EZR: variants seen among roughly 807,000 people sequenced by gnomAD.
EZR encodes the protein cytovillin 2.
A neutral mutation model predicts 74.8 loss-of-function variants in EZR; 40 were observed. The observed-to-expected ratio is 0.53, with a 90% CI of 0.42 to 0.70. The LOEUF (loss-of-function observed/expected upper bound fraction) is 0.70. EZR is among the 30% of genes least tolerant of loss of function. The pLI, the probability that EZR is intolerant of heterozygous loss-of-function variation, is 0.00. For missense variants in EZR, 678 were observed against 755.8 expected (o/e 0.90, Z 1.21); for synonymous variants, 341 against 283.3 (o/e 1.20, Z -2.05).
At chr6:158,818,244 C>T (rs1355259213) in intron 1 of EZR, 78 bp from the exon 2 acceptor site, 3 of 739,626 alleles carry the variant, frequency 4.1e-6, no homozygotes, top group African/African-American at 3.6e-5. Context: ...TCGGCGCCCG[C>T]AGCGCGCTGC....
chr6:158,818,809 C>A (rs1350898614), intron 1 of EZR, among the ~76,000 whole-genome samples: 1 of 142,954 alleles, frequency 7.0e-6, no homozygotes, highest in Non-Finnish European at 1.5e-5. Context: ...CCGCGGGGCA[C>A]CCGACAGGGA....
chr6:158,772,068 C>T (rs73020297), intron 8 of EZR, among the ~76,000 whole-genome samples: 18,731 of 152,178 alleles, frequency 0.12, 1,266 homozygotes, highest in Non-Finnish European at 0.13. Context: ...GCTGTGCACT[C>T]GGTTCTCTCT....
intron 2 of EZR, among the ~76,000 whole-genome samples, chr6:158,806,001 C>T (rs1002099587): frequency 2.0e-5 from 3 of 152,232 alleles, no homozygotes; most frequent in African/African-American, 4.8e-5. Context: ...GACCTGTTCC[C>T]AGTTGGGTCA....
chr6:158,771,488 G>A (rs1196618801), intron 8 of EZR, 81 bp from the exon 9 acceptor site: 2 of 1,442,464 alleles, frequency 1.4e-6, no homozygotes, highest in African/African-American at 1.4e-5. Context: ...CAAAGGTCCA[G>A]AACTTTTCTA....
At chr6:158,799,802 GTTT>G (rs756750517) in intron 2 of EZR, among the ~76,000 whole-genome samples, 52 of 152,320 alleles carry the variant, frequency 3.4e-4, no homozygotes, top group Non-Finnish European at 6.5e-4. Context: ...TTGTCTGTAG[GTTT>G]TTTTAAAGCT....
Position 158,767,282 on chromosome 6 carries a change from C to G in EZR, c.1575G>C (p.Glu525Asp). ...TCACCAGCAGCTGCCGCTGCACACG[C>G]TCGTTCTTCTCTGCCTCAGTGATGC... ...EKRITEAEKNERVQRQLLTLS... is the reference protein window; with the variant it reads ...EKRITEAEKNDRVQRQLLTLS... The change falls in exon 13 of 14, where the codon GAG (glutamate) becomes GAC (aspartate). Residue 525 changes from glutamate (E) to aspartate (D), a missense_variant. Glu to Asp is a conservative substitution (Grantham distance 45, BLOSUM62 2). This residue lies in a region of EZR where 342 missense variants were observed against 341.2 expected (regional missense o/e 1.00). Coordinates refer to ENST00000367075, the MANE Select transcript of EZR (RefSeq NM_001111077.2). The G allele has an allele frequency of 1.9e-6, 3 of 1,613,788 alleles. No individual in the cohort carries two copies. The highest frequency in any genetic ancestry group is 2.5e-6 in the Non-Finnish European group (3 of 1,179,792).
chr6:158,803,319 G>A (rs1348708403), intron 2 of EZR, among the ~76,000 whole-genome samples: 2 of 151,218 alleles, frequency 1.3e-5, no homozygotes, highest in Non-Finnish European at 1.5e-5. Flanking sequence ...TACTCGATAC[G>A]AGGTATACGG....
intron 2 of EZR, among the ~76,000 whole-genome samples, chr6:158,803,572 TA>T (rs1777247654): frequency 1.1e-4 from 1 of 8,740 alleles, no homozygotes; most frequent in Non-Finnish European, 2.3e-4. Flanking sequence ...TATATATATA[TA>T]TATATATACA....
chr6:158,813,848 G>A (rs1777497231), intron 2 of EZR, among the ~76,000 whole-genome samples: 1 of 152,170 alleles, frequency 6.6e-6, no homozygotes, highest in Non-Finnish European at 1.5e-5. Context: ...TCAGCTCTAT[G>A]GTTCTCATGA....
chr6:158,771,440 G>C (rs1045358750), intron 8 of EZR, 33 bp from the exon 9 acceptor site: 1 of 1,544,258 alleles, frequency 6.5e-7, no homozygotes. Flanking sequence ...CTGGACTCAA[G>C]CTCCTTCGTT....
chr6:158,769,209 TG>T, intron 12 of EZR, 116 bp downstream of exon 12: 1 of 730,880 alleles, frequency 1.4e-6, no homozygotes, highest in South Asian at 1.7e-5. Context: ...TCCAGTGGGA[TG>T]TGGCAGCTTG....
chr6:158,783,150 G>A (rs3103002), intron 7 of EZR, among the ~76,000 whole-genome samples: 17,102 of 151,872 alleles, frequency 0.11, 990 homozygotes, highest in Middle Eastern at 0.14. Flanking sequence ...CACAAACCTC[G>A]AGCCAGGAGT....
At chr6:158,794,947 A>G (rs1208061897) in intron 2 of EZR, among the ~76,000 whole-genome samples, 1 of 152,172 alleles carries the variant, frequency 6.6e-6, no homozygotes, top group Non-Finnish European at 1.5e-5. Flanking sequence ...TTGCTTAATA[A>G]TCTACTCTTT....
In EZR at chr6:158,771,252, CTGCTTCTGA is replaced by C; in HGVS notation, c.942_950del (p.His314_Lys316del). On this transcript the variant is annotated inframe_deletion, in exon 9 of 14. Transcript: ENST00000367075. ...TGGCCTCACGCGCTCACCGCTCCAG[CTGCTTCTGA>C]TGCTTCTCCTCCCGGGCCTGGGCCT... The C allele has an allele frequency of 6.2e-7, 1 of 1,612,452 alleles. No homozygotes were observed. Among genetic ancestry groups the C allele is most frequent in the Non-Finnish European group, 8.5e-7 (1 of 1,179,192 alleles).
Position 158,816,576 on chromosome 6 carries a change from T to G in EZR, c.12+1506A>C, listed in dbSNP as rs532485004. Among the ~76,000 whole-genome samples, 274 of 152,328 alleles carry G rather than the reference T, an allele frequency of 1.8e-3. 2 individuals are homozygous for G. The highest frequency in any genetic ancestry group is 2.7e-3 in the Non-Finnish European group (187 of 68,022). On this transcript the variant is annotated intron_variant, in intron 2 of 13. Transcript: ENST00000367075. ...GTACTTAGGTCAGTTTCATACCACA[T>G]GCACTGTCAAGCCTCGATGTCACGT...
At chr6:158,788,779 A>G (rs147719088) in intron 3 of EZR, among the ~76,000 whole-genome samples, 38 of 152,286 alleles carry the variant, frequency 2.5e-4, no homozygotes, top group African/African-American at 9.1e-4. Flanking sequence ...AAAGTGAATT[A>G]TTTCTCTAAA....
chr6:158,786,501 T>C (rs573019438), intron 4 of EZR, among the ~76,000 whole-genome samples: 40 of 152,332 alleles, frequency 2.6e-4, no homozygotes, highest in African/African-American at 9.4e-4. Flanking sequence ...AACTCAAATT[T>C]GGAAATGACC....
At chr6:158,807,188 G>A (rs979420211) in intron 2 of EZR, among the ~76,000 whole-genome samples, 4 of 152,016 alleles carry the variant, frequency 2.6e-5, no homozygotes, top group Non-Finnish European at 4.4e-5. Flanking sequence ...GATGGCTGGC[G>A]CCTGTAGTCC....
intron 8 of EZR, 73 bp downstream of exon 8, chr6:158,776,335 T>C: frequency 8.1e-7 from 1 of 1,228,616 alleles, no homozygotes; most frequent in Admixed American, 1.7e-5. Flanking sequence ...CGTCACAGTA[T>C]AACTTGTCCG....
Sources: gnomAD v4.1 joint callset for allele counts (sites outside exome capture counted in the v4.1 genomes callset) on GRCh38, gnomAD v4.1.1 for gene constraint, gnomAD v4.1.1 regional missense constraint, MANE v1.5 for transcripts, NCBI Gene and HGNC (gene_info 2026-07-23, HGNC 2026-07-21) for gene names.